Variants in SKAP1 observed in about 807,000 individuals in gnomAD.
SKAP1 encodes src kinase associated phosphoprotein 1.
In SKAP1, 44 loss-of-function variants were observed where a neutral mutation model predicts 58.5. That is an observed-to-expected ratio of 0.75 (90% CI 0.59 to 0.97). The LOEUF is 0.97. SKAP1 is among the 50% of genes least tolerant of loss of function. The probability of loss-of-function intolerance (pLI) is 0.00; values close to 1 mark genes in which losing one functional copy is unlikely to be tolerated. For synonymous variants in SKAP1, 127 were observed against 149.7 expected, an observed-to-expected ratio of 0.85 and a Z score of 1.11; for missense variants, 390 against 435.2, an observed-to-expected ratio of 0.90 and a Z score of 0.92.
chr17:48,140,953 AT>A (rs1255797382), intron 11 of SKAP1, among the ~76,000 whole-genome samples: 2 of 151,544 alleles, frequency 1.3e-5, no homozygotes, highest in Admixed American at 1.3e-4. Flanking sequence ...TGGCCAGCTA[AT>A]TTTTGTATTT....
At chr17:48,377,227 G>A (rs2067161130) in intron 2 of SKAP1, 1 of 152,250 alleles carries the variant, frequency 6.6e-6, no homozygotes, top group Non-Finnish European at 1.5e-5. Flanking sequence ...TGTGGAGCAT[G>A]TGAAATAACT....
intron 3 of SKAP1, among the ~76,000 whole-genome samples, chr17:48,354,421 A>G (rs2066848570): frequency 6.6e-6 from 1 of 152,266 alleles, no homozygotes; most frequent in African/African-American, 2.4e-5. Flanking sequence ...AGTAAAGTGC[A>G]TAAATCTTAA....
intron 2 of SKAP1, among the ~76,000 whole-genome samples, chr17:48,387,646 C>T (rs2144503503): frequency 6.6e-6 from 1 of 152,266 alleles, no homozygotes; most frequent in Non-Finnish European, 1.5e-5. Context: ...TTTTGTGCCA[C>T]TTTCAATTCT....
At chr17:48,150,745 C>T (rs1170599444) in intron 11 of SKAP1, among the ~76,000 whole-genome samples, 1 of 152,154 alleles carries the variant, frequency 6.6e-6, no homozygotes, top group African/African-American at 2.4e-5. Context: ...TGAACATCCA[C>T]AAAGTAGAGC....
chr17:48,257,432 T>G (rs1275431864), intron 4 of SKAP1, among the ~76,000 whole-genome samples: 6 of 152,012 alleles, frequency 3.9e-5, no homozygotes, highest in Admixed American at 3.9e-4. Context: ...ATAGCAGTAA[T>G]GCAAATATGG....
At chr17:48,292,849 C>A (rs2144087340) in intron 4 of SKAP1, among the ~76,000 whole-genome samples, 1 of 152,202 alleles carries the variant, frequency 6.6e-6, no homozygotes, top group South Asian at 2.1e-4. Flanking sequence ...AGTTTCAGAA[C>A]AAATAAATGA....
intron 4 of SKAP1, among the ~76,000 whole-genome samples, chr17:48,256,944 T>A (rs993984093): frequency 1.3e-5 from 2 of 152,020 alleles, no homozygotes; most frequent in African/African-American, 4.8e-5. Flanking sequence ...TTTAGAAGGA[T>A]GCAAAATACC....
chr17:48,255,019 G>A (rs2065407434), intron 4 of SKAP1, among the ~76,000 whole-genome samples: 1 of 151,916 alleles, frequency 6.6e-6, no homozygotes, highest in Non-Finnish European at 1.5e-5. Flanking sequence ...ACATTGAAAT[G>A]AATCAGAAGC....
intron 12 of SKAP1, among the ~76,000 whole-genome samples, chr17:48,136,141 G>A (rs1490390941): frequency 6.6e-6 from 1 of 151,818 alleles, no homozygotes; most frequent in African/African-American, 2.4e-5. Flanking sequence ...CATCTGTGAA[G>A]TACCCTTAAA....
intron 2 of SKAP1, among the ~76,000 whole-genome samples, chr17:48,381,589 T>C (rs531372453): frequency 1.3e-5 from 2 of 152,286 alleles, no homozygotes; most frequent in East Asian, 3.9e-4. Context: ...GAAAATAAAA[T>C]AAAATATGGC....
At chr17:48,363,253 T>C (rs917904977) in intron 3 of SKAP1, among the ~76,000 whole-genome samples, 2 of 152,176 alleles carry the variant, frequency 1.3e-5, no homozygotes, top group Non-Finnish European at 2.9e-5. Flanking sequence ...TGAAAGCAAT[T>C]AGAAGCACTG....
At chr17:48,276,635 A>G (rs2065705011) in intron 4 of SKAP1, among the ~76,000 whole-genome samples, 1 of 152,138 alleles carries the variant, frequency 6.6e-6, no homozygotes, top group Non-Finnish European at 1.5e-5. Flanking sequence ...TACTTCCCTA[A>G]TCATTTCAAA....
Position 48,189,499 on chromosome 17 carries a change from TC to T in SKAP1, c.281del (p.Gly94GlufsTer6). On this transcript the variant is annotated frameshift_variant and splice_region_variant, in exon 5 of 13. Transcript: ENST00000336915. LOFTEE classifies it high-confidence loss of function. ...APFLSDYQDE[G>X]MEDIVKGAQE... The stretch of plus-strand genomic sequence containing the variant: ...GAGCTCCTTTTACGATGTCTTCCAT[TC>T]CTAAAAGGACCAATGGCAAAATGCT... 1 of 1,610,684 alleles carries T rather than the reference TC, an allele frequency of 6.2e-7. No individual in the cohort carries two copies. Among genetic ancestry groups the T allele is most frequent in the South Asian group, 1.1e-5 (1 of 90,274 alleles).
At chr17:48,295,375 C>T (rs1038517062) in intron 4 of SKAP1, among the ~76,000 whole-genome samples, 2 of 152,014 alleles carry the variant, frequency 1.3e-5, no homozygotes, top group African/African-American at 4.8e-5. Context: ...CTTTTTAAAG[C>T]AGGGACCTAA....
chr17:48,163,433 C>T (rs1217063501), intron 10 of SKAP1, among the ~76,000 whole-genome samples: 4 of 152,132 alleles, frequency 2.6e-5, no homozygotes, highest in Non-Finnish European at 4.4e-5. Flanking sequence ...ATCTTCTACC[C>T]GGAAAGGTTA....
Position 48,269,307 on chromosome 17 carries a change from G to GA in SKAP1, c.280+76597dup, listed in dbSNP as rs145852880. On this transcript the variant is annotated intron_variant, in intron 4 of 12. Coordinates refer to ENST00000336915, the MANE Select transcript of SKAP1 (RefSeq NM_003726.4). The stretch of plus-strand genomic sequence containing the variant: ...AAATAAATAAATTTGACCACTTTGA[G>GA]AAAAAAAAACAAAAAATAACTTCTG... 9.7e-4 allele frequency among the ~76,000 whole-genome samples: 145 copies of GA among 149,396 alleles called. 1 individual carries two copies. The highest frequency in any genetic ancestry group is 1.8e-3 in the East Asian group (9 of 5,110).
intron 2 of SKAP1, among the ~76,000 whole-genome samples, chr17:48,381,880 A>G (rs1420761926): frequency 6.6e-6 from 1 of 152,242 alleles, no homozygotes; most frequent in Non-Finnish European, 1.5e-5. Flanking sequence ...TGTTCAATAA[A>G]CATTTGTAGA....
intron 3 of SKAP1, among the ~76,000 whole-genome samples, chr17:48,361,663 A>G (rs1460682485): frequency 6.6e-6 from 1 of 152,222 alleles, no homozygotes; most frequent in Non-Finnish European, 1.5e-5. Context: ...CAGAGTTAAT[A>G]AAATTCATCC....
chr17:48,369,180 T>TAAATAAATAA (rs1567886530), intron 2 of SKAP1, among the ~76,000 whole-genome samples: 59 of 121,954 alleles, frequency 4.8e-4, no homozygotes, highest in African/African-American at 2.0e-3. Context: ...TAAATAAATA[T>TAAATAAATAA]AAAATAAAGA....
Sources: gnomAD v4.1 joint callset for allele counts (sites outside exome capture counted in the v4.1 genomes callset) on GRCh38, gnomAD v4.1.1 for gene constraint, MANE v1.5 for transcripts, NCBI Gene and HGNC (gene_info 2026-07-23, HGNC 2026-07-21) for gene names.